TOP6BL: variants seen among roughly 807,000 people sequenced by gnomAD.
The protein encoded by TOP6BL is TOP6B like initiator of meiotic double strand breaks, also known as type 2 DNA topoisomerase 6 subunit B-like.
chr11:66,783,485 G>A, the TOP6BL span, among the ~76,000 whole-genome samples: 1 of 152,152 alleles, frequency 6.6e-6, no homozygotes, highest in African/African-American at 2.4e-5. Context: ...ATTTAGCATT[G>A]CTAACTCATG....
chr11:66,842,930 G>A, the TOP6BL span: 1 of 1,560,302 alleles, frequency 6.4e-7, no homozygotes, highest in Non-Finnish European at 8.7e-7. Context: ...CGCTCTGCCA[G>A]GGCCCCGAGC....
At chr11:66,767,892 G>T in the TOP6BL span, among the ~76,000 whole-genome samples, 35 of 152,250 alleles carry the variant, frequency 2.3e-4, no homozygotes, top group African/African-American at 7.0e-4. Context: ...TTGGGCTCAA[G>T]GGATCCTCCC....
At chr11:66,821,224 G>A in the TOP6BL span, among the ~76,000 whole-genome samples, 3 of 151,968 alleles carry the variant, frequency 2.0e-5, no homozygotes, top group Non-Finnish European at 4.4e-5. Flanking sequence ...CTCAGTATTG[G>A]ATTTAAAAGA....
At chr11:66,779,262 C>T in the TOP6BL span, among the ~76,000 whole-genome samples, 2 of 152,156 alleles carry the variant, frequency 1.3e-5, no homozygotes, top group African/African-American at 4.8e-5. Context: ...GCAACCTACT[C>T]ATCTGACAAA....
chr11:66,801,205 C>T, the TOP6BL span: 1 of 1,205,436 alleles, frequency 8.3e-7, no homozygotes, highest in Non-Finnish European at 1.2e-6. Context: ...TTTGTAAGTG[C>T]CAGGTGTCAG....
At chr11:66,837,767 G>T in the TOP6BL span, among the ~76,000 whole-genome samples, 1 of 152,196 alleles carries the variant, frequency 6.6e-6, no homozygotes, top group Non-Finnish European at 1.5e-5. Context: ...TTTTGAGGAA[G>T]AAGATACCTA....
chr11:66,828,440 G>A, the TOP6BL span: 2 of 1,126,490 alleles, frequency 1.8e-6, no homozygotes, highest in South Asian at 2.7e-5. Context: ...AGGGTGGGTA[G>A]GTACAAGTGT....
chr11:66,776,019 AAATTATG>A, the TOP6BL span, among the ~76,000 whole-genome samples: 1 of 151,706 alleles, frequency 6.6e-6, no homozygotes, highest in Non-Finnish European at 1.5e-5. Flanking sequence ...AAGCATCTCT[AAATTATG>A]ACAACTCCAT....
the TOP6BL span, among the ~76,000 whole-genome samples, chr11:66,785,397 C>T: frequency 6.6e-6 from 1 of 152,074 alleles, no homozygotes; most frequent in Non-Finnish European, 1.5e-5. Context: ...GTTCTATTAA[C>T]TTTATTTCCT....
chr11:66,784,736 A>T, the TOP6BL span, among the ~76,000 whole-genome samples: 4 of 152,152 alleles, frequency 2.6e-5, no homozygotes, highest in Non-Finnish European at 5.9e-5. Context: ...TTATGGCTGA[A>T]TACTCCCCAT....
the TOP6BL span, among the ~76,000 whole-genome samples, chr11:66,783,827 T>G: frequency 6.6e-6 from 1 of 152,082 alleles, no homozygotes; most frequent in Non-Finnish European, 1.5e-5. Flanking sequence ...TTTTCGGGAT[T>G]GTATAACTAA....
At chr11:66,828,395 A>G in the TOP6BL span, 1 of 1,532,536 alleles carries the variant, frequency 6.5e-7, no homozygotes, top group South Asian at 1.1e-5. Flanking sequence ...CTTTGGTGGG[A>G]ATCTTCCATT....
chr11:66,836,647 G>A, the TOP6BL span, among the ~76,000 whole-genome samples: 1 of 149,098 alleles, frequency 6.7e-6, no homozygotes, highest in Non-Finnish European at 1.5e-5. Context: ...GAGCCCAGGA[G>A]TTTGAGACCA....
At chr11:66,748,471 A>T in the TOP6BL span, 1 of 1,549,184 alleles carries the variant, frequency 6.5e-7, no homozygotes. Context: ...CCATAGAAGG[A>T]TTAAATTCTA....
the TOP6BL span, among the ~76,000 whole-genome samples, chr11:66,777,081 ATATATC>A: frequency 6.7e-6 from 1 of 149,210 alleles, no homozygotes; most frequent in East Asian, 1.9e-4. Context: ...CTATATCTAT[ATATATC>A]TATATATCTA....
chr11:66,833,887 G>A, the TOP6BL span, among the ~76,000 whole-genome samples: 3 of 151,864 alleles, frequency 2.0e-5, no homozygotes, highest in African/African-American at 4.8e-5. Context: ...GGCGGAGGTT[G>A]CAGTGAGCCA....
the TOP6BL span, chr11:66,758,128 T>TA: frequency 1.0e-6 from 1 of 984,488 alleles, no homozygotes; most frequent in Non-Finnish European, 1.2e-6. Context: ...GGGAAGGGCA[T>TA]ATTCAATTTG....
At chr11:66,826,643 T>G in the TOP6BL span, among the ~76,000 whole-genome samples, 5 of 151,958 alleles carry the variant, frequency 3.3e-5, no homozygotes, top group East Asian at 9.6e-4. Flanking sequence ...TAACTAGCTG[T>G]GAGATCTTGG....
the TOP6BL span, among the ~76,000 whole-genome samples, chr11:66,798,494 A>G: frequency 6.9e-6 from 1 of 144,700 alleles, no homozygotes; most frequent in Middle Eastern, 3.9e-3. Context: ...CATCTACTTG[A>G]GGGGCTGAGG....
Sources: gnomAD v4.1 joint callset for allele counts (sites outside exome capture counted in the v4.1 genomes callset) on GRCh38, gnomAD v4.1.1 for gene constraint, MANE v1.5 for transcripts, NCBI Gene and HGNC (gene_info 2026-07-23, HGNC 2026-07-21) for gene names.